The following CFAP74 variants were observed in gnomAD, a reference collection of about 807,000 sequenced individuals.
CFAP74 encodes cilia- and flagella-associated protein 74.
Under a neutral mutation model 188.9 loss-of-function variants are expected in CFAP74, and 124 were observed. The ratio of observed to expected loss-of-function variants is 0.66; its 90% confidence interval spans 0.57 to 0.76. The LOEUF is 0.76. Ranked by LOEUF, CFAP74 falls within the 30% of genes least tolerant of loss-of-function variation. The pLI, the probability that CFAP74 is intolerant of heterozygous loss-of-function variation, is 0.00. For synonymous variants in CFAP74, 956 were observed against 916.7 expected (o/e 1.04, Z -0.77); for missense variants, 2,198 against 2,165.2 (o/e 1.02, Z -0.30).
rs1308114701 is a variant in CFAP74, at chr1:1,926,761, G to T, written c.3663C>A (p.Ser1221Arg). The change falls in exon 30 of 39, where the codon AGC (serine) becomes AGA (arginine). Residue 1221 changes from serine to arginine, a missense_variant and splice_region_variant. Ser to Arg is a moderately radical substitution (Grantham distance 110). Coordinates refer to ENST00000682832, the MANE Select transcript of CFAP74 (RefSeq NM_001304360.2). ...DRKGSEPLSF[S>R]PHNTLYLELW... ...GCTCCAGGTACAGGGTGTTGTGGGG[G>T]CTGGGATAGGAAGGGCATGCTGAGG... 6.5e-7 allele frequency: 1 copy of T among 1,549,914 alleles called. No individual in the cohort carries two copies. Among genetic ancestry groups the T allele is most frequent in the African/African-American group, 1.4e-5 (1 of 73,138 alleles).
At position 1,968,095 on chromosome 1, in the gene CFAP74, GTGAA is replaced by G. The variant is rs891534656; in HGVS notation, c.1245+536_1245+539del. ...GAGTGAATGAGTAAAGAGTGAATGA[GTGAA>G]TGAATGAGTGAATGAATGAAGAATG... is the stretch of plus-strand genomic sequence containing the variant. On this transcript the variant is annotated intron_variant, in intron 11 of 38. Transcript: ENST00000682832. The surrounding 1 kb of genome is among the most constrained non-coding windows in gnomAD (Gnocchi z 4.3). Among the ~76,000 whole-genome samples the G allele has an allele frequency of 8.0e-5, 12 of 149,240 alleles. No individual in the cohort carries two copies. Among genetic ancestry groups the G allele is most frequent in the East Asian group, 2.0e-4 (1 of 5,046 alleles).
intron 25 of CFAP74, among the ~76,000 whole-genome samples, chr1:1,935,867 T>TACACACAC (rs35582265): frequency 4.1e-5 from 6 of 147,802 alleles, no homozygotes; most frequent in African/African-American, 1.2e-4. Context: ...TTTTCAGCAC[T>TACACACAC]ACACACACAC....
rs145105197 is a variant in CFAP74, at chr1:1,993,448, A to G, written c.-19-2473T>C. Among the ~76,000 whole-genome samples the G allele has an allele frequency of 3.2e-3, 481 of 150,822 alleles. 11 individuals carry two copies. In the East Asian group the frequency reaches 0.055, roughly 17 times the overall value. On this transcript the variant is annotated intron_variant, in intron 1 of 38. Coordinates refer to ENST00000682832, the MANE Select transcript of CFAP74 (RefSeq NM_001304360.2). ...CTACAGGCACGCACCACCACACCCA[A>G]CTGATTTTTGTATTTTCTGTAGAGA...
intron 27 of CFAP74, 33 bp downstream of exon 27, chr1:1,928,751 G>T: frequency 1.3e-6 from 2 of 1,495,654 alleles, no homozygotes; most frequent in East Asian, 2.5e-5. Flanking sequence ...GCCCTTCCCC[G>T]ACCTACGCCC....
Position 1,973,928 on chromosome 1 carries a change from G to A in CFAP74, c.674+97C>T, listed in dbSNP as rs147374813. 5.1e-3 allele frequency: 6,193 copies of A among 1,212,454 alleles called. 34 individuals are homozygous for A. The highest frequency in any genetic ancestry group is 6.9e-3 in the Middle Eastern group (23 of 3,342). The allele number at this position is 1,212,454 out of a possible 1,614,324, so 75.1% of individuals were successfully genotyped here. A position where few individuals can be genotyped will look rare whatever the true frequency, so the allele number is the denominator to read the frequency against. ...GTGGAGGTGGATCTGGACAGATGTG[G>A]AGGGCGAGGCTGAATCTGGAGACCC... On this transcript the variant is annotated intron_variant, in intron 7 of 38. Coordinates refer to ENST00000682832, the MANE Select transcript of CFAP74 (RefSeq NM_001304360.2). This position sits in a 1 kb window ranked among gnomAD's most constrained non-coding sequence, Gnocchi z 6.2.
intron 25 of CFAP74, among the ~76,000 whole-genome samples, chr1:1,932,351 C>T (rs1466560783): frequency 6.7e-6 from 1 of 149,010 alleles, no homozygotes; most frequent in Admixed American, 6.7e-5. Flanking sequence ...GAGCCGAGAT[C>T]GCGCCACCGC....
chr1:1,996,555 G>GA (rs1388382742), intron 1 of CFAP74, among the ~76,000 whole-genome samples: 1 of 152,166 alleles, frequency 6.6e-6, no homozygotes, highest in African/African-American at 2.4e-5. Context: ...AAAAAATAGA[G>GA]AAAAAATCAG....
intron 16 of CFAP74, among the ~76,000 whole-genome samples, chr1:1,957,650 C>G (rs975109424): frequency 6.6e-6 from 1 of 152,182 alleles, no homozygotes; most frequent in African/African-American, 2.4e-5. Context: ...GGCCAGGACA[C>G]CTGGGGCCTC....
chr1:1,946,278 G>A (rs1002425493), intron 20 of CFAP74, 39 bp downstream of exon 20: 1 of 1,509,524 alleles, frequency 6.6e-7, no homozygotes, highest in African/African-American at 1.4e-5. Flanking sequence ...GGAGGCAGGG[G>A]CCAGGGTGTG....
chr1:1,960,114 G>A, intron 14 of CFAP74, 84 bp from the exon 15 acceptor site: 1 of 1,213,598 alleles, frequency 8.2e-7, no homozygotes, highest in Non-Finnish European at 1.2e-6. Context: ...CAGTCAGGCT[G>A]GGCCTCCTGG....
chr1:1,990,947 C>T lies in CFAP74; in HGVS notation c.10G>A (p.Asp4Asn). 6.2e-7 allele frequency: 1 copy of T among 1,612,372 alleles called. No individual in the cohort carries two copies. Among genetic ancestry groups the T allele is most frequent in the Non-Finnish European group, 8.5e-7 (1 of 1,179,542 alleles). Residue 4 changes from aspartate (D) to asparagine (N), a missense_variant, in exon 2 of 39, where the codon GAC becomes AAC. Transcript: ENST00000682832. MEDDGSLLPEDELL... is the reference protein window; with the variant it reads MEDNGSLLPEDELL... Reference sequence around the variant, plus strand: ...TCGTCCTCAGGGAGCAGGCTGCCGTCATCCTCCATGCTGGGAGATAGAAAT... The same window carrying T: ...TCGTCCTCAGGGAGCAGGCTGCCGTTATCCTCCATGCTGGGAGATAGAAAT...
chr1:1,957,753 G>C (rs1172776808), intron 16 of CFAP74, among the ~76,000 whole-genome samples: 1 of 147,426 alleles, frequency 6.8e-6, no homozygotes, highest in Non-Finnish European at 1.5e-5. Flanking sequence ...GGGAGCCGGA[G>C]CCTGGCTGTC....
chr1:1,922,424 T>C (rs28680721), intron 38 of CFAP74, 36 bp from the exon 39 acceptor site: 124,954 of 1,583,620 alleles, frequency 0.079, 12,258 homozygotes, highest in African/African-American at 0.41. Context: ...AGGCCTTCAG[T>C]CAGTGGGCAC....
rs1351244889 is a variant in CFAP74 at position 1,934,941 on chromosome 1, A to AATGAAAGTGTGACC, written c.3011+3913_3011+3914insGGTCACACTTTCAT. Among the ~76,000 whole-genome samples the AATGAAAGTGTGACC allele has an allele frequency of 9.0e-3, 679 of 75,440 alleles. 28 individuals are homozygous for AATGAAAGTGTGACC. The highest frequency in any genetic ancestry group is 0.012 in the Admixed American group (74 of 6,280). 49.5% of individuals were successfully genotyped at this position (75,440 alleles called of 152,430 possible). ...TTAGGTTGTAGGTACACAGGTGTGT[A>AATGAAAGTGTGACC]CGTGGGTGTTAGGTTGTAGGTACAC... On this transcript the variant is annotated intron_variant, in intron 25 of 38. Transcript: ENST00000682832.
At chr1:1,998,049 G>A (rs146857578) in intron 1 of CFAP74, among the ~76,000 whole-genome samples, 3,817 of 152,242 alleles carry the variant, frequency 0.025, 75 homozygotes, top group Middle Eastern at 0.095. Flanking sequence ...AGGCTGAGGC[G>A]GGTGGATCAC....
Position 1,930,139 on chromosome 1 carries a change from G to A in CFAP74, c.3209C>T (p.Pro1070Leu), listed in dbSNP as rs1207260285. 16 of 1,535,564 alleles carry A rather than the reference G, an allele frequency of 1.0e-5. No individual in the cohort carries two copies. The South Asian group carries it at 1.9e-4, about 18-fold the overall frequency. Residue 1070 changes from proline (P) to leucine (L), a missense_variant, in exon 26 of 39, where the codon CCC becomes CTC. Physicochemically the swap from Pro to Leu is moderately conservative, Grantham distance 98. Transcript: ENST00000682832. ...IGSEDASPMG[P>L]TSFEFLLPPD... ...GGGCAGCAGGAACTCGAAAGACGTG[G>A]GCCCCATGGGAGAGGCGTCCTCTGA...
intron 24 of CFAP74, 114 bp from the exon 25 acceptor site, chr1:1,939,102 G>T: frequency 8.8e-7 from 1 of 1,133,748 alleles, no homozygotes; most frequent in Non-Finnish European, 1.2e-6. Flanking sequence ...GTGAGCGAAT[G>T]TGAGGGTGAG....
At chr1:1,961,999 A>AG in intron 14 of CFAP74, among the ~76,000 whole-genome samples, 1 of 152,222 alleles carries the variant, frequency 6.6e-6, no homozygotes, top group East Asian at 1.9e-4. Context: ...CTGGGCAGCA[A>AG]GGGGGGAATG....
chr1:1,993,542 T>TA (rs1657719418), intron 1 of CFAP74, among the ~76,000 whole-genome samples: 1 of 151,848 alleles, frequency 6.6e-6, no homozygotes, highest in Non-Finnish European at 1.5e-5. Flanking sequence ...TGCCTTGGCC[T>TA]TCCCAAGTGT....
Sources: gnomAD v4.1 joint callset for allele counts (sites outside exome capture counted in the v4.1 genomes callset) on GRCh38, gnomAD v4.1.1 for gene constraint, Gnocchi (gnomAD v3.1) non-coding constraint, MANE v1.5 for transcripts, NCBI Gene and HGNC (gene_info 2026-07-23, HGNC 2026-07-21) for gene names.